Variants in HS6ST3 observed in about 807,000 individuals in gnomAD.
HS6ST3 encodes heparan sulfate 6-O-sulfotransferase 3, also known as heparan-sulfate 6-O-sulfotransferase 3.
A neutral mutation model predicts 36.7 loss-of-function variants in HS6ST3; 12 were observed. That is an observed-to-expected ratio of 0.33 (90% CI 0.21 to 0.53). The LOEUF is 0.53. Among genes scored for constraint, HS6ST3 ranks in the 20% least tolerant of loss-of-function variants. The probability of loss-of-function intolerance (pLI) is 0.95; values close to 1 mark genes in which losing one functional copy is unlikely to be tolerated. For missense variants in HS6ST3, 584 were observed against 640.9 expected, an observed-to-expected ratio of 0.91 and a Z score of 0.96; for synonymous variants, 240 against 257.5, an observed-to-expected ratio of 0.93 and a Z score of 0.65.
intron 1 of HS6ST3, among the ~76,000 whole-genome samples, chr13:96,626,809 T>G (rs1258236998): frequency 1.3e-5 from 2 of 152,150 alleles, no homozygotes; most frequent in African/African-American, 4.8e-5. Context: ...GTACTAAACA[T>G]TGTTTGATGC....
At chr13:96,584,391 A>G (rs989207029) in intron 1 of HS6ST3, among the ~76,000 whole-genome samples, 3 of 152,008 alleles carry the variant, frequency 2.0e-5, no homozygotes, top group Non-Finnish European at 2.9e-5. Flanking sequence ...TGATCTGCCC[A>G]CCTCAGCCTC....
At chr13:96,440,529 GA>G (rs1303961029) in intron 1 of HS6ST3, among the ~76,000 whole-genome samples, 3 of 151,986 alleles carry the variant, frequency 2.0e-5, no homozygotes, top group Non-Finnish European at 4.4e-5. Flanking sequence ...GAAAGGAAAA[GA>G]GGGTTTTCTT....
At chr13:96,372,677 A>G (rs1446405453) in intron 1 of HS6ST3, among the ~76,000 whole-genome samples, 1 of 152,122 alleles carries the variant, frequency 6.6e-6, no homozygotes, top group African/African-American at 2.4e-5. Context: ...TAAGAGAAGG[A>G]TCCAATTTCA....
rs544393255 is a variant in HS6ST3, at chr13:96,498,112, G to C, written c.708-334378G>C. Among the ~76,000 whole-genome samples, 3 of 152,320 alleles carry C rather than the reference G, an allele frequency of 2.0e-5. No individual in the cohort carries two copies. The South Asian group carries it at 6.2e-4, about 32-fold the overall frequency. On this transcript the variant is annotated intron_variant, in intron 1 of 1. Transcript: ENST00000376705. ...TCAGTGGGCTTGAAGAACACACAGTGTCCTCGGACAAGGTCTGTTGGGCCC... is the reference window on the plus strand; with the variant it reads ...TCAGTGGGCTTGAAGAACACACAGTCTCCTCGGACAAGGTCTGTTGGGCCC...
chr13:96,607,402 A>T (rs1458325369), intron 1 of HS6ST3, among the ~76,000 whole-genome samples: 1 of 152,218 alleles, frequency 6.6e-6, no homozygotes, highest in Non-Finnish European at 1.5e-5. Flanking sequence ...TGTCCACAAC[A>T]TGTAAGAACT....
intron 1 of HS6ST3, among the ~76,000 whole-genome samples, chr13:96,162,391 A>G (rs906284753): frequency 6.6e-6 from 1 of 152,256 alleles, no homozygotes; most frequent in African/African-American, 2.4e-5. Flanking sequence ...CAGAGAGACT[A>G]AATAGGTAGG....
chr13:96,228,020 G>T (rs2054489480), intron 1 of HS6ST3, among the ~76,000 whole-genome samples: 1 of 152,164 alleles, frequency 6.6e-6, no homozygotes, highest in Non-Finnish European at 1.5e-5. Flanking sequence ...CAATCTCGGA[G>T]AACTTAGTTC....
rs2055753841 is a variant in HS6ST3, at chr13:96,456,202, A to AT, written c.707+364634dup. Among the ~76,000 whole-genome samples the AT allele has an allele frequency of 2.6e-5, 4 of 152,332 alleles. No individual in the cohort carries two copies. In the South Asian group the frequency reaches 8.3e-4, roughly 32 times the overall value. ...ATTCCAGGAATAGAATTACTGTATAATCACTGCTTTGTTATAATTACTGAT... is the reference window on the plus strand; with the variant it reads ...ATTCCAGGAATAGAATTACTGTATAATTCACTGCTTTGTTATAATTACTGAT... On this transcript the variant is annotated intron_variant, in intron 1 of 1. Transcript: ENST00000376705.
intron 1 of HS6ST3, among the ~76,000 whole-genome samples, chr13:96,820,672 G>A (rs986307210): frequency 3.9e-5 from 6 of 152,222 alleles, no homozygotes; most frequent in Admixed American, 6.5e-5. Context: ...TGGGTTTAAC[G>A]TTGGAACTCG....
intron 1 of HS6ST3, among the ~76,000 whole-genome samples, chr13:96,260,211 T>TGG (rs1166227554): frequency 6.6e-6 from 1 of 152,154 alleles, no homozygotes. Context: ...TTCTTTTTGC[T>TGG]GGGTGCATTT....
At chr13:96,578,606 G>T (rs904426893) in intron 1 of HS6ST3, among the ~76,000 whole-genome samples, 1 of 151,928 alleles carries the variant, frequency 6.6e-6, no homozygotes, top group Non-Finnish European at 1.5e-5. Context: ...TGCCACCTAG[G>T]CTGTAGTGCA....
At chr13:96,144,889 C>A (rs1003027244) in intron 1 of HS6ST3, among the ~76,000 whole-genome samples, 1 of 144,740 alleles carries the variant, frequency 6.9e-6, no homozygotes. Context: ...TGAGTGAGAA[C>A]ATGAGGTGTT....
intron 1 of HS6ST3, among the ~76,000 whole-genome samples, chr13:96,550,546 T>TG (rs1223573886): frequency 1.5e-4 from 23 of 152,208 alleles, no homozygotes; most frequent in African/African-American, 4.3e-4. Context: ...AAGCCTAATG[T>TG]GGACTGAAGC....
At chr13:96,574,140 T>C in intron 1 of HS6ST3, 1 of 535,334 alleles carries the variant, frequency 1.9e-6, no homozygotes, top group Non-Finnish European at 3.8e-6. Flanking sequence ...AGCCATTGCA[T>C]TTAAGGACAG....
intron 1 of HS6ST3, among the ~76,000 whole-genome samples, chr13:96,188,064 G>A (rs2054272662): frequency 6.6e-6 from 1 of 152,082 alleles, no homozygotes. Context: ...TTATTTTCTG[G>A]TGTGTTCCTC....
chr13:96,695,204 G>A (rs1875090195), intron 1 of HS6ST3, among the ~76,000 whole-genome samples: 1 of 152,136 alleles, frequency 6.6e-6, no homozygotes, highest in African/African-American at 2.4e-5. Flanking sequence ...TATTGAAGGT[G>A]GCTTTCATGT....
chr13:96,677,310 A>G (rs936965808), intron 1 of HS6ST3, among the ~76,000 whole-genome samples: 2 of 152,200 alleles, frequency 1.3e-5, no homozygotes, highest in Non-Finnish European at 2.9e-5. Context: ...CACACTAGAC[A>G]GATTTATGTC....
At chr13:96,136,697 A>ATATATATATATG (rs1195658121) in intron 1 of HS6ST3, among the ~76,000 whole-genome samples, 5 of 46,980 alleles carry the variant, frequency 1.1e-4, no homozygotes, top group African/African-American at 5.4e-4. Context: ...ATATATATAT[A>ATATATATATATG]TATATATATA....
chr13:96,225,968 T>G (rs1015864378), intron 1 of HS6ST3, among the ~76,000 whole-genome samples: 4 of 152,158 alleles, frequency 2.6e-5, no homozygotes, highest in African/African-American at 7.2e-5. Context: ...TGCCAATGAC[T>G]CACTGATCTT....
Sources: allele counts gnomAD v4.1 joint callset (sites outside exome capture counted in the v4.1 genomes callset), GRCh38; gene constraint gnomAD v4.1.1; transcripts MANE v1.5; gene names NCBI Gene and HGNC (gene_info 2026-07-23, HGNC 2026-07-21).